CCNH: variants seen among roughly 807,000 people sequenced by gnomAD.
CCNH encodes cyclin H, also known as cyclin-H.
Under a neutral mutation model 41.9 loss-of-function variants are expected in CCNH, and 31 were observed. That is an observed-to-expected ratio of 0.74 (90% CI 0.56 to 1.00). The LOEUF is 1.00. Among genes scored for constraint, CCNH ranks in the 50% least tolerant of loss-of-function variants. The probability of loss-of-function intolerance (pLI) is 0.00; values close to 1 mark genes in which losing one functional copy is unlikely to be tolerated. For synonymous variants in CCNH, 138 were observed against 136.1 expected, an observed-to-expected ratio of 1.01 and a Z score of -0.10; for missense variants, 362 against 388.4, an observed-to-expected ratio of 0.93 and a Z score of 0.57.
chr5:87,329,766 C>T lies in CCNH; in HGVS notation c.*91-10869G>A, dbSNP rs116401058. On this transcript the variant is annotated intron_variant and NMD_transcript_variant, in intron 9 of 9. Coordinates refer to the CCNH transcript ENST00000645953. ...CTACTGCTTTAAGTAATGAGGAATG[C>T]ACTAGTTTCATATTCTAAGGATAAC... Among the ~76,000 whole-genome samples, 874 of 152,222 alleles carry T rather than the reference C, an allele frequency of 5.7e-3. 6 individuals are homozygous for T. The highest frequency in any genetic ancestry group is 0.022 in the South Asian group (105 of 4,816).
chr5:87,375,783 G>A (rs1761282795), downstream of CCNH, among the ~76,000 whole-genome samples: 1 of 152,052 alleles, frequency 6.6e-6, no homozygotes. Flanking sequence ...CTCAGGCTTA[G>A]GGAAGGAAGT....
intron 9 of CCNH, among the ~76,000 whole-genome samples, chr5:87,338,536 A>ATATATATATATATATATATATTTTTTT: frequency 3.5e-5 from 3 of 85,216 alleles, no homozygotes; most frequent in African/African-American, 8.9e-5. Flanking sequence ...TATATATAAA[A>ATATATATATATATATATATATTTTTTT]TTTTTTTTTT....
intron 3 of CCNH, chr5:87,409,048 AAAAC>A (rs1390075718): frequency 6.7e-6 from 2 of 296,480 alleles, no homozygotes; most frequent in Non-Finnish European, 1.2e-5. Context: ...TAATTTGAGA[AAAAC>A]AAAATTTGAA....
intron 9 of CCNH, among the ~76,000 whole-genome samples, chr5:87,361,417 T>C (rs1219694201): frequency 6.6e-6 from 1 of 152,196 alleles, no homozygotes; most frequent in Non-Finnish European, 1.5e-5. Context: ...GATAGAGGAT[T>C]ATGAAAATCC....
chr5:87,376,840 A>G (rs1199723296), exon 1 of CCNH: 35 of 1,538,246 alleles, frequency 2.3e-5, no homozygotes, highest in Non-Finnish European at 2.9e-5. Flanking sequence ...CATGCTTATA[A>G]TGCTACGTAC....
chr5:87,365,374 C>T (rs1760432879), intron 9 of CCNH, among the ~76,000 whole-genome samples: 1 of 152,100 alleles, frequency 6.6e-6, no homozygotes, highest in African/African-American at 2.4e-5. Context: ...TTTATAGTGG[C>T]TATACCTCAG....
intron 9 of CCNH, among the ~76,000 whole-genome samples, chr5:87,338,907 A>G (rs1020984629): frequency 6.6e-6 from 1 of 152,038 alleles, no homozygotes; most frequent in African/African-American, 2.4e-5. Flanking sequence ...CCATCATATA[A>G]TACGTTATCA....
downstream of CCNH, among the ~76,000 whole-genome samples, chr5:87,316,321 A>G (rs1756333785): frequency 6.6e-6 from 1 of 152,206 alleles, no homozygotes; most frequent in South Asian, 2.1e-4. Context: ...TTCAGAATGC[A>G]TTTTAAAAAA....
In CCNH at chr5:87,394,491, A is replaced by AG; in HGVS notation, c.934-8dup. The AG allele has an allele frequency of 6.2e-7, 1 of 1,613,578 alleles. No homozygotes were observed. On this transcript the variant is annotated splice_region_variant and splice_polypyrimidine_tract_variant and intron_variant, in intron 8 of 8. Transcript: ENST00000256897. ...CGTCATCAGTCCATTCTTCCTAAGA[A>AG]GGAAAAAAAGTGTGGTAAGGATAAC... is the stretch of plus-strand genomic sequence containing the variant.
At chr5:87,410,229 GTTAT>G (rs957947394) in intron 2 of CCNH, among the ~76,000 whole-genome samples, 62 of 152,202 alleles carry the variant, frequency 4.1e-4, no homozygotes, top group African/African-American at 1.4e-3. Flanking sequence ...TGATAAACAT[GTTAT>G]TTAAAAATAA....
At chr5:87,323,992 G>A (rs1044161876) in intron 9 of CCNH, among the ~76,000 whole-genome samples, 2 of 152,062 alleles carry the variant, frequency 1.3e-5, no homozygotes, top group Non-Finnish European at 2.9e-5. Flanking sequence ...GTGTTCTGTC[G>A]TATTTACTGT....
chr5:87,356,417 T>C (rs1372802962), intron 9 of CCNH, among the ~76,000 whole-genome samples: 1 of 150,160 alleles, frequency 6.7e-6, no homozygotes, highest in Non-Finnish European at 1.5e-5. Context: ...GGAGTCAGGG[T>C]CTTGCGCTGT....
At chr5:87,348,134 TC>T (rs1277827601) in intron 9 of CCNH, among the ~76,000 whole-genome samples, 6 of 152,054 alleles carry the variant, frequency 3.9e-5, no homozygotes, top group Non-Finnish European at 7.4e-5. Context: ...AGAAACACTT[TC>T]ATTTTAGCCC....
rs556807737 is a variant in CCNH at position 87,338,719 on chromosome 5, A to G, written c.*91-19822T>C. On this transcript the variant is annotated intron_variant and NMD_transcript_variant, in intron 9 of 9. Coordinates refer to the CCNH transcript ENST00000645953. ...TTTTTTTGCCGTCCTTTTCTTCCTCATAAGTGAAGTTATATCAGTCTGATC... is the reference window on the plus strand; with the variant it reads ...TTTTTTTGCCGTCCTTTTCTTCCTCGTAAGTGAAGTTATATCAGTCTGATC... Among the ~76,000 whole-genome samples, 399 of 150,686 alleles carry G rather than the reference A, an allele frequency of 2.6e-3. 2 individuals carry two copies. Among genetic ancestry groups the G allele is most frequent in the Non-Finnish European group, 4.5e-3 (306 of 67,692 alleles).
At chr5:87,377,511 T>G (rs1164472627), upstream of CCNH, among the ~76,000 whole-genome samples, 1 of 151,926 alleles carries the variant, frequency 6.6e-6, no homozygotes, top group Admixed American at 6.6e-5. Context: ...TTTATTTTAT[T>G]TTTTTAGTAG....
chr5:87,397,161 T>C (rs1451900098), intron 7 of CCNH, among the ~76,000 whole-genome samples: 2 of 152,026 alleles, frequency 1.3e-5, no homozygotes, highest in Admixed American at 6.6e-5. Context: ...TTTCATAATT[T>C]TTTTTTTGTT....
intron 9 of CCNH, chr5:87,383,594 A>G: frequency 1.4e-6 from 1 of 704,366 alleles, no homozygotes; most frequent in Non-Finnish European, 2.3e-6. Flanking sequence ...TTATTGGTTT[A>G]GAGTGAATTT....
chr5:87,397,087 G>C (rs1299331625), intron 7 of CCNH, among the ~76,000 whole-genome samples: 1 of 152,088 alleles, frequency 6.6e-6, no homozygotes, highest in Non-Finnish European at 1.5e-5. Context: ...ACTCATGGTA[G>C]CAAGTACCAG....
At chr5:87,407,231 A>C (rs937347823) in intron 4 of CCNH, among the ~76,000 whole-genome samples, 1 of 152,170 alleles carries the variant, frequency 6.6e-6, no homozygotes, top group Non-Finnish European at 1.5e-5. Flanking sequence ...CCTCTAAAAT[A>C]TATTTTCCCC....
Sources: gnomAD v4.1 joint callset for allele counts (sites outside exome capture counted in the v4.1 genomes callset) on GRCh38, gnomAD v4.1.1 for gene constraint, MANE v1.5 for transcripts, NCBI Gene and HGNC (gene_info 2026-07-23, HGNC 2026-07-21) for gene names.